ADAMTS14: variants seen among roughly 807,000 people sequenced by gnomAD.
The protein encoded by ADAMTS14 is A disintegrin and metalloproteinase with thrombospondin motifs 14.
Under a neutral mutation model 128.6 loss-of-function variants are expected in ADAMTS14, and 100 were observed. The ratio of observed to expected loss-of-function variants is 0.78; its 90% CI spans 0.66 to 0.92. The LOEUF (loss-of-function observed/expected upper bound fraction) is 0.92, where lower values mean the gene tolerates loss of function less well. Among genes scored for constraint, ADAMTS14 ranks in the 40% least tolerant of loss-of-function variants. ADAMTS14 has a pLI of 0.00. For synonymous variants in ADAMTS14, 665 were observed against 653.8 expected (o/e 1.02, Z -0.26); for missense variants, 1,562 against 1,658.6 (o/e 0.94, Z 1.01).
At chr10:70,720,652 A>G (rs1841227872) in intron 4 of ADAMTS14, among the ~76,000 whole-genome samples, 1 of 152,250 alleles carries the variant, frequency 6.6e-6, no homozygotes, top group Admixed American at 6.5e-5. Context: ...TTGCTGTTAA[A>G]CATCCACATA....
At chr10:70,716,060 G>A (rs546489255) in intron 4 of ADAMTS14, among the ~76,000 whole-genome samples, 2 of 152,332 alleles carry the variant, frequency 1.3e-5, no homozygotes, top group South Asian at 2.1e-4. Context: ...AGCTGTGGCC[G>A]GGGAACATTG....
chr10:70,735,585 C>T (rs1195291588), intron 9 of ADAMTS14, among the ~76,000 whole-genome samples: 1 of 152,204 alleles, frequency 6.6e-6, no homozygotes. Context: ...GCAAGGGAGC[C>T]CAGGTTCCAG....
chr10:70,710,289 A>G (rs1330964331), intron 4 of ADAMTS14, among the ~76,000 whole-genome samples: 1 of 152,236 alleles, frequency 6.6e-6, no homozygotes, highest in Non-Finnish European at 1.5e-5. Context: ...ATAAACATTC[A>G]TCTGGAACAC....
At chr10:70,720,040 G>T (rs1416810052) in intron 4 of ADAMTS14, among the ~76,000 whole-genome samples, 1 of 152,230 alleles carries the variant, frequency 6.6e-6, no homozygotes, top group African/African-American at 2.4e-5. Context: ...CTTTTGGGCT[G>T]GGTGGGTCCA....
chr10:70,749,608 AGTGTGTGT>A lies in ADAMTS14; in HGVS notation c.2264-192_2264-185del, dbSNP rs72483126. Among the ~76,000 whole-genome samples, 66 of 147,828 alleles carry A rather than the reference AGTGTGTGT, an allele frequency of 4.5e-4. 1 individual carries two copies. The highest frequency in any genetic ancestry group is 8.7e-4 in the South Asian group (4 of 4,578). On this transcript the variant is annotated intron_variant, in intron 15 of 21. Transcript: ENST00000373207. Reference sequence around the variant, plus strand: ...TGCACTAGGATCCAGAGGCAGCAAGAGTGTGTGTGTGTGTGTGTGTGTGTGTGTGCGCG... The same window carrying A: ...TGCACTAGGATCCAGAGGCAGCAAGAGTGTGTGTGTGTGTGTGTGTGCGCG...
At chr10:70,746,133 C>A (rs1474103114) in intron 15 of ADAMTS14, among the ~76,000 whole-genome samples, 1 of 152,160 alleles carries the variant, frequency 6.6e-6, no homozygotes, top group East Asian at 1.9e-4. Context: ...CTGCAGTCTA[C>A]CACACAGGCC....
At chr10:70,708,258 G>C (rs1451124956) in intron 3 of ADAMTS14, among the ~76,000 whole-genome samples, 1 of 152,170 alleles carries the variant, frequency 6.6e-6, no homozygotes, top group Non-Finnish European at 1.5e-5. Flanking sequence ...CATGTTATAA[G>C]AGAGACAATG....
intron 2 of ADAMTS14, among the ~76,000 whole-genome samples, chr10:70,691,625 A>G (rs1564523013): frequency 6.6e-6 from 1 of 151,962 alleles, no homozygotes; most frequent in Non-Finnish European, 1.5e-5. Context: ...AGGGACTCCT[A>G]ATAATTGTCC....
Position 70,702,480 on chromosome 10 carries a change from G to A in ADAMTS14, c.679+12G>A, listed in dbSNP as rs1840526912. ...CCTGCACAATGAAGGTAGGCTGTAG[G>A]TAGGGGCCTGTGTGCTGCTTCTCTC... On this transcript the variant is annotated intron_variant, in intron 3 of 21. Coordinates refer to ENST00000373207, the MANE Select transcript of ADAMTS14 (RefSeq NM_080722.4). 1.9e-6 allele frequency: 3 copies of A among 1,591,166 alleles called. No individual in the cohort carries two copies. Among genetic ancestry groups the A allele is most frequent in the Non-Finnish European group, 2.6e-6 (3 of 1,168,428 alleles).
chr10:70,685,361 TC>T (rs1839924001), intron 2 of ADAMTS14, among the ~76,000 whole-genome samples: 1 of 152,192 alleles, frequency 6.6e-6, no homozygotes. Context: ...TGCTGCTTCA[TC>T]CTTAGCAGCA....
chr10:70,681,981 C>T (rs1279136771), intron 2 of ADAMTS14, among the ~76,000 whole-genome samples: 1 of 152,256 alleles, frequency 6.6e-6, no homozygotes, highest in East Asian at 1.9e-4. Flanking sequence ...CTGCCCTGTC[C>T]AGGCTGGCCT....
At chr10:70,724,799 G>A (rs993614765) in intron 4 of ADAMTS14, among the ~76,000 whole-genome samples, 1 of 152,130 alleles carries the variant, frequency 6.6e-6, no homozygotes, top group African/African-American at 2.4e-5. Flanking sequence ...TTTTAATGGG[G>A]TAGAAAGGGA....
At chr10:70,693,815 G>A (rs138444030) in intron 2 of ADAMTS14, among the ~76,000 whole-genome samples, 3 of 152,356 alleles carry the variant, frequency 2.0e-5, no homozygotes, top group African/African-American at 4.8e-5. Context: ...TGGCCGAGTG[G>A]TCATCCCAGA....
In ADAMTS14 at chr10:70,760,560, C is replaced by T; in HGVS notation, c.3379C>T (p.Pro1127Ser). The change falls in exon 22 of 22, where the codon CCT becomes TCT. Residue 1127 changes from proline (P) to serine (S), a missense_variant. Transcript: ENST00000373207. ...AAGCCCCTTACCAGGACCCCAGGAC[C>T]CTGCAGATGCTGCAGAGCCTCCTGG... is the stretch of plus-strand genomic sequence containing the variant. ...PGSPLPGPQD[P>S]ADAAEPPGKP... 6.2e-7 allele frequency: 1 copy of T among 1,613,510 alleles called. No individual in the cohort carries two copies.
At chr10:70,740,268 A>G (rs1279954300) in intron 11 of ADAMTS14, among the ~76,000 whole-genome samples, 3 of 152,250 alleles carry the variant, frequency 2.0e-5, no homozygotes, top group Admixed American at 6.5e-5. Context: ...CCACATGTCT[A>G]TGAGTAGGGT....
At position 70,709,495 on chromosome 10, in the gene ADAMTS14, G is replaced by GTTTTTTTTTTTTT. The variant is rs746940189; in HGVS notation, c.870+728_870+740dup. On this transcript the variant is annotated intron_variant, in intron 4 of 21. Coordinates refer to ENST00000373207, the MANE Select transcript of ADAMTS14 (RefSeq NM_080722.4). The stretch of plus-strand genomic sequence containing the variant: ...CCAGATATTTAAGTGAACATTTCCA[G>GTTTTTTTTTTTTT]TTTTTTTTTTTTTTTTTTTTTTTGA... Among the ~76,000 whole-genome samples, 4 of 101,840 alleles carry GTTTTTTTTTTTTT rather than the reference G, an allele frequency of 3.9e-5. 1 individual carries two copies. The highest frequency in any genetic ancestry group is 8.1e-5 in the African/African-American group (2 of 24,562). The allele number at this position is 101,840 out of a possible 152,430, so 66.8% of individuals were successfully genotyped here.
At chr10:70,709,558 TG>T (rs1235375349) in intron 4 of ADAMTS14, among the ~76,000 whole-genome samples, 1 of 123,748 alleles carries the variant, frequency 8.1e-6, no homozygotes. Flanking sequence ...CGGAGTGCAA[TG>T]GCACAATCTC....
chr10:70,703,238 C>A (rs17600642), intron 3 of ADAMTS14, among the ~76,000 whole-genome samples: 20,442 of 152,200 alleles, frequency 0.13, 1,729 homozygotes, highest in Middle Eastern at 0.24. Flanking sequence ...TATGGTTGGG[C>A]GAATGAAACT....
chr10:70,714,869 C>G (rs1352746371), intron 4 of ADAMTS14, among the ~76,000 whole-genome samples: 1 of 147,264 alleles, frequency 6.8e-6, no homozygotes, highest in East Asian at 2.0e-4. Context: ...TTGCTTGAAC[C>G]TGGGAGGCGG....
Sources: allele counts gnomAD v4.1 joint callset (sites outside exome capture counted in the v4.1 genomes callset), GRCh38; gene constraint gnomAD v4.1.1; transcripts MANE v1.5; gene names NCBI Gene and HGNC (gene_info 2026-07-23, HGNC 2026-07-21).